Variants in SEMA6D observed in about 807,000 individuals in gnomAD.
SEMA6D encodes the protein semaphorin 6D, also known as semaphorin-6D.
SEMA6D carries 35 observed loss-of-function variants against 106.6 expected under a neutral mutation model. The ratio of observed to expected loss-of-function variants is 0.33; its 90% CI spans 0.25 to 0.44. The LOEUF (loss-of-function observed/expected upper bound fraction) is 0.44, where lower values mean the gene tolerates loss of function less well. Ranked by LOEUF, SEMA6D falls within the 20% of genes least tolerant of loss-of-function variation. The probability of loss-of-function intolerance (pLI) is 1.00; values close to 1 mark genes in which losing one functional copy is unlikely to be tolerated. For missense variants in SEMA6D, 1,185 were observed against 1,345.9 expected (o/e 0.88, Z 1.87); for synonymous variants, 499 against 487.7 (o/e 1.02, Z -0.31).
At chr15:47,639,727 T>C (rs2077454910) in intron 4 of SEMA6D, among the ~76,000 whole-genome samples, 1 of 152,194 alleles carries the variant, frequency 6.6e-6, no homozygotes, top group Admixed American at 6.5e-5. Flanking sequence ...CCAGTCTTCC[T>C]CTCAATAACC....
intron 4 of SEMA6D, among the ~76,000 whole-genome samples, chr15:47,700,658 C>T (rs2078791752): frequency 6.6e-6 from 1 of 152,126 alleles, no homozygotes; most frequent in African/African-American, 2.4e-5. Context: ...GGTGCAGTGG[C>T]ATGCACCTGT....
intron 4 of SEMA6D, among the ~76,000 whole-genome samples, chr15:47,653,836 T>C (rs1254604365): frequency 6.6e-6 from 1 of 152,218 alleles, no homozygotes; most frequent in East Asian, 1.9e-4. Flanking sequence ...AATGAACGAA[T>C]GGAAAATTAA....
In SEMA6D at chr15:47,575,614, G is replaced by A. The variant is rs140161507; in HGVS notation, c.-86-25251G>A. Among the ~76,000 whole-genome samples, 1,493 of 152,256 alleles carry A rather than the reference G, an allele frequency of 9.8e-3. 10 individuals are homozygous for A. Among genetic ancestry groups the A allele is most frequent in the Admixed American group, 0.021 (319 of 15,294 alleles). On this transcript the variant is annotated intron_variant, in intron 3 of 19. Transcript: ENST00000558014. ...TACGCCTGCAGTCCCATCTACCCGG[G>A]AGGCTGAGGCAGGAGAATCGCTTCA...
intron 2 of SEMA6D, among the ~76,000 whole-genome samples, chr15:47,430,742 A>G (rs1035809937): frequency 1.3e-5 from 2 of 152,086 alleles, no homozygotes; most frequent in Non-Finnish European, 2.9e-5. Flanking sequence ...CTCAAAGTCC[A>G]GGCGTCATCT....
intron 1 of SEMA6D, among the ~76,000 whole-genome samples, chr15:47,368,837 T>C (rs2039161671): frequency 6.6e-6 from 1 of 152,202 alleles, no homozygotes; most frequent in African/African-American, 2.4e-5. Context: ...GCGTTGAACA[T>C]TTCCTCAGAT....
At chr15:47,428,444 GT>G (rs2041419694) in intron 2 of SEMA6D, among the ~76,000 whole-genome samples, 2 of 34,020 alleles carry the variant, frequency 5.9e-5, no homozygotes, top group African/African-American at 9.0e-5. Context: ...AGGTAAAAAA[GT>G]ATTTAGGCGC....
intron 1 of SEMA6D, among the ~76,000 whole-genome samples, chr15:47,235,822 G>A (rs2032502793): frequency 6.6e-6 from 1 of 151,932 alleles, no homozygotes; most frequent in African/African-American, 2.4e-5. Context: ...TGTTCCATGG[G>A]GTAACAGCTT....
intron 1 of SEMA6D, among the ~76,000 whole-genome samples, chr15:47,257,312 C>T (rs952731799): frequency 5.9e-5 from 9 of 152,104 alleles, no homozygotes; most frequent in African/African-American, 2.2e-4. Context: ...CCGCCTTGGC[C>T]CCCCAAAGTT....
At chr15:47,454,599 G>A (rs919262187) in intron 2 of SEMA6D, among the ~76,000 whole-genome samples, 5 of 148,990 alleles carry the variant, frequency 3.4e-5, no homozygotes, top group African/African-American at 9.9e-5. Flanking sequence ...TTGCACATGT[G>A]CACACACACA....
intron 4 of SEMA6D, among the ~76,000 whole-genome samples, chr15:47,649,584 G>T (rs1313557103): frequency 2.0e-5 from 3 of 152,216 alleles, no homozygotes; most frequent in Non-Finnish European, 4.4e-5. Context: ...CAAGGCTGAA[G>T]TGCACTATGA....
chr15:47,192,304 C>A lies in SEMA6D; in HGVS notation c.-239+7886C>A, dbSNP rs967864544. 2.0e-5 allele frequency among the ~76,000 whole-genome samples: 3 copies of A among 152,220 alleles called. No individual in the cohort carries two copies. In the South Asian group the frequency reaches 6.2e-4, roughly 32 times the overall value. On this transcript the variant is annotated intron_variant, in intron 1 of 19. Coordinates refer to the SEMA6D transcript ENST00000558014. ...CTACCAGCACCTGCTCCCACATAAT[C>A]TACCTCCTTTCAAGTTTTCTCACAG...
intron 1 of SEMA6D, among the ~76,000 whole-genome samples, chr15:47,379,167 TAATTC>T (rs1290746892): frequency 6.6e-6 from 1 of 152,240 alleles, no homozygotes; most frequent in Non-Finnish European, 1.5e-5. Context: ...ACTAATAAAT[TAATTC>T]AAATTGTTTA....
rs561787101 is a variant in SEMA6D, at chr15:47,644,762, A to G, written c.-55+43866A>G. 2.4e-3 allele frequency among the ~76,000 whole-genome samples: 370 copies of G among 152,306 alleles called. 1 individual carries two copies. The highest frequency in any genetic ancestry group is 8.4e-3 in the African/African-American group (350 of 41,588). On this transcript the variant is annotated intron_variant, in intron 4 of 19. Coordinates refer to the SEMA6D transcript ENST00000558014. ...TAAATTACCCAGTCTCAGATATTCC[A>G]TTACAGCAGCACCAAACAAACTAAG...
intron 1 of SEMA6D, among the ~76,000 whole-genome samples, chr15:47,329,667 T>C (rs1476432866): frequency 1.3e-5 from 2 of 152,192 alleles, no homozygotes; most frequent in Admixed American, 6.5e-5. Context: ...GCAGTGTTTC[T>C]TTTAGGAATG....
intron 1 of SEMA6D, among the ~76,000 whole-genome samples, chr15:47,243,661 A>G (rs1175292700): frequency 2.6e-5 from 4 of 152,152 alleles, no homozygotes; most frequent in African/African-American, 7.2e-5. Flanking sequence ...ATGCCTTGAT[A>G]TGGAAAATGA....
At chr15:47,298,353 A>G (rs1266961874) in intron 1 of SEMA6D, among the ~76,000 whole-genome samples, 1 of 150,148 alleles carries the variant, frequency 6.7e-6, no homozygotes, top group African/African-American at 2.5e-5. Context: ...TTCTTTTCTC[A>G]TTGAGCATAC....
intron 3 of SEMA6D, among the ~76,000 whole-genome samples, chr15:47,548,782 G>A (rs959463410): frequency 6.6e-6 from 1 of 152,068 alleles, no homozygotes; most frequent in African/African-American, 2.4e-5. Context: ...ATGTTTTTGT[G>A]CACATATGTG....
intron 13 of SEMA6D, chr15:47,765,626 G>T (rs1235527394): frequency 3.7e-6 from 2 of 539,412 alleles, no homozygotes; most frequent in East Asian, 7.6e-5. Flanking sequence ...CTTCGCAAAT[G>T]CAATTCACTT....
intron 4 of SEMA6D, among the ~76,000 whole-genome samples, chr15:47,665,720 G>C (rs1209990136): frequency 6.6e-6 from 1 of 152,222 alleles, no homozygotes; most frequent in East Asian, 1.9e-4. Context: ...TGAGGCAGGA[G>C]AATCACTTGA....
Sources: gnomAD v4.1 joint callset for allele counts (sites outside exome capture counted in the v4.1 genomes callset) on GRCh38, gnomAD v4.1.1 for gene constraint, MANE v1.5 for transcripts, NCBI Gene and HGNC (gene_info 2026-07-23, HGNC 2026-07-21) for gene names.